Variants in MALRD1 observed in about 807,000 individuals in gnomAD.
MALRD1 encodes the protein MAM and LDL receptor class A domain containing 1, also known as MAM and LDL-receptor class A domain-containing protein 1.
Under a neutral mutation model 242.1 loss-of-function variants are expected in MALRD1, and 247 were observed. The observed-to-expected ratio is 1.02, with a 90% CI of 0.92 to 1.13. The LOEUF is 1.13. Among genes scored for constraint, MALRD1 ranks in the 50% most tolerant of loss-of-function variants. The probability of loss-of-function intolerance (pLI) is 0.00; values close to 1 mark genes in which losing one functional copy is unlikely to be tolerated. For missense variants in MALRD1, 2,989 were observed against 2,533.1 expected, an observed-to-expected ratio of 1.18 and a Z score of -3.86; for synonymous variants, 995 against 866.6, an observed-to-expected ratio of 1.15 and a Z score of -2.60.
chr10:19,247,992 T>C (rs998450531), intron 18 of MALRD1, among the ~76,000 whole-genome samples: 2 of 151,950 alleles, frequency 1.3e-5, no homozygotes, highest in Admixed American at 6.6e-5. Flanking sequence ...CAGAAACAGC[T>C]TGATTGGTTA....
chr10:19,191,796 G>A (rs952368195), intron 14 of MALRD1, among the ~76,000 whole-genome samples: 4 of 152,184 alleles, frequency 2.6e-5, no homozygotes, highest in African/African-American at 9.6e-5. Context: ...TCAGGAGTTT[G>A]AGACCAGCAT....
intron 32 of MALRD1, among the ~76,000 whole-genome samples, chr10:19,560,515 A>G (rs922021809): frequency 1.3e-5 from 2 of 152,160 alleles, no homozygotes; most frequent in Non-Finnish European, 2.9e-5. Context: ...ATGCACATGT[A>G]TGTTTATTGC....
chr10:19,115,107 A>G (rs1328714905), intron 5 of MALRD1, among the ~76,000 whole-genome samples: 2 of 152,204 alleles, frequency 1.3e-5, no homozygotes, highest in East Asian at 1.9e-4. Context: ...GTTCCAGACA[A>G]CTAGAAACAG....
chr10:19,275,538 G>A (rs536635254), intron 19 of MALRD1, among the ~76,000 whole-genome samples: 31 of 152,210 alleles, frequency 2.0e-4, no homozygotes, highest in Non-Finnish European at 3.8e-4. Flanking sequence ...GCGTGGTGGC[G>A]GGCGCCTGTA....
At chr10:19,614,761 G>A (rs566341022) in intron 35 of MALRD1, among the ~76,000 whole-genome samples, 1 of 152,000 alleles carries the variant, frequency 6.6e-6, no homozygotes, top group Non-Finnish European at 1.5e-5. Flanking sequence ...AGTGACACAA[G>A]CAGTGAAATA....
chr10:19,372,770 T>G (rs1461023866), intron 26 of MALRD1, among the ~76,000 whole-genome samples: 12 of 152,122 alleles, frequency 7.9e-5, no homozygotes, highest in African/African-American at 2.9e-4. Flanking sequence ...GCCCAGCCAG[T>G]ATTCAATTTT....
intron 14 of MALRD1, among the ~76,000 whole-genome samples, chr10:19,195,994 A>G (rs570836428): frequency 3.3e-5 from 5 of 152,304 alleles, no homozygotes; most frequent in African/African-American, 4.8e-5. Context: ...CTGAAAAAAT[A>G]GAAACAACCA....
Position 19,498,647 on chromosome 10 carries a change from G to T in MALRD1, c.5320+1G>T. 1 of 1,548,686 alleles carries T rather than the reference G, an allele frequency of 6.5e-7. No homozygotes were observed. The highest frequency in any genetic ancestry group is 8.7e-7 in the Non-Finnish European group (1 of 1,145,700). On this transcript the variant is annotated splice_donor_variant, in intron 31 of 39. Transcript: ENST00000454679. LOFTEE classifies it high-confidence loss of function. ...ATTCCAGACTCTGATCACACGCCAG[G>T]TAAATCTAGTAGCCATCCCCAGACC...
chr10:19,282,114 T>C (rs1205133064), intron 20 of MALRD1, among the ~76,000 whole-genome samples: 1 of 148,014 alleles, frequency 6.8e-6, no homozygotes, highest in Non-Finnish European at 1.5e-5. Context: ...ATGTTATATT[T>C]TCCGATAGTT....
chr10:19,638,750 G>A (rs1028527608), intron 36 of MALRD1, among the ~76,000 whole-genome samples: 4 of 152,156 alleles, frequency 2.6e-5, no homozygotes, highest in Admixed American at 6.5e-5. Context: ...TTCCAGTGAG[G>A]TCACCACCCA....
chr10:19,415,646 T>C (rs115461887), intron 28 of MALRD1, among the ~76,000 whole-genome samples: 2,142 of 152,282 alleles, frequency 0.014, 51 homozygotes, highest in African/African-American at 0.049. Flanking sequence ...ATAAATGTGC[T>C]CTTTTAAGAA....
intron 32 of MALRD1, among the ~76,000 whole-genome samples, chr10:19,560,692 C>T (rs191883007): frequency 5.3e-4 from 81 of 152,212 alleles, no homozygotes; most frequent in Non-Finnish European, 1.0e-3. Context: ...AACCATCATT[C>T]TCAGCAAACT....
At position 19,331,573 on chromosome 10, in the gene MALRD1, T is replaced by C; in HGVS notation, c.3892T>C (p.Phe1298Leu). The C allele has an allele frequency of 6.5e-7, 1 of 1,550,044 alleles. No homozygotes were observed. Among genetic ancestry groups the C allele is most frequent in the Non-Finnish European group, 8.7e-7 (1 of 1,146,648 alleles). ...DCADNSDETT[F>L]ICRTSSGRCD... The stretch of plus-strand genomic sequence containing the variant: ...TGCTGATAATTCAGATGAGACTACT[T>C]TCATTTGCCGTAAGTAAAAGGGTTC... The change falls in exon 24 of 40, where the codon TTC becomes CTC. Residue 1298 changes from phenylalanine (F) to leucine (L), a missense_variant. Phe to Leu is a conservative substitution (Grantham distance 22). Transcript: ENST00000454679.
chr10:19,048,649 C>A (rs778352346), upstream of MALRD1: 2 of 227,004 alleles, frequency 8.8e-6, no homozygotes, highest in Non-Finnish European at 1.7e-5. Context: ...ATAGCAAGAC[C>A]ATAAAGGCTT....
At chr10:19,447,076 A>ACG (rs1835035563) in intron 28 of MALRD1, among the ~76,000 whole-genome samples, 1 of 129,838 alleles carries the variant, frequency 7.7e-6, no homozygotes, top group African/African-American at 2.8e-5. Context: ...ACAGACACAC[A>ACG]CACACACACA....
rs113832415 is a variant in MALRD1, at chr10:19,438,145, A to G, written c.4846-12162A>G. Reference sequence around the variant, plus strand: ...TTCTTCCCTCCCCCAACCCTTAAAAACCACCATTTCACTTTCTGTCTCTGT... The same window carrying G: ...TTCTTCCCTCCCCCAACCCTTAAAAGCCACCATTTCACTTTCTGTCTCTGT... On this transcript the variant is annotated intron_variant, in intron 28 of 39. Transcript: ENST00000454679. Among the ~76,000 whole-genome samples the G allele has an allele frequency of 7.8e-3, 1,189 of 151,622 alleles. 16 individuals are homozygous for G. The highest frequency in any genetic ancestry group is 0.026 in the African/African-American group (1,086 of 41,356).
At chr10:19,573,016 A>G (rs1017489559) in intron 33 of MALRD1, among the ~76,000 whole-genome samples, 2 of 152,202 alleles carry the variant, frequency 1.3e-5, no homozygotes, top group African/African-American at 4.8e-5. Flanking sequence ...TAGAAAACTA[A>G]TACAATTGGG....
chr10:19,397,304 A>T (rs1299807373), intron 28 of MALRD1, among the ~76,000 whole-genome samples: 1 of 152,018 alleles, frequency 6.6e-6, no homozygotes, highest in South Asian at 2.1e-4. Flanking sequence ...TATGAGATAC[A>T]TGTTTTTAGG....
intron 36 of MALRD1, among the ~76,000 whole-genome samples, chr10:19,626,937 A>G (rs1589326747): frequency 6.6e-6 from 1 of 152,174 alleles, no homozygotes; most frequent in South Asian, 2.1e-4. Flanking sequence ...GGTATTTACA[A>G]TACTTGACAA....
Sources: allele counts gnomAD v4.1 joint callset (sites outside exome capture counted in the v4.1 genomes callset), GRCh38; gene constraint gnomAD v4.1.1; transcripts MANE v1.5; gene names NCBI Gene and HGNC (gene_info 2026-07-23, HGNC 2026-07-21).